The following GOLIM4 variants were observed in gnomAD, a reference collection of about 807,000 sequenced individuals.
GOLIM4 encodes the protein 130 kDa golgi-localized phosphoprotein.
A neutral mutation model predicts 107.4 loss-of-function variants in GOLIM4; 71 were observed. The observed-to-expected ratio is 0.66, with a 90% CI of 0.55 to 0.81. GOLIM4 has a LOEUF of 0.81. Among genes scored for constraint, GOLIM4 ranks in the 30% least tolerant of loss-of-function variants. The pLI, the probability that GOLIM4 is intolerant of heterozygous loss-of-function variation, is 0.00. For synonymous variants in GOLIM4, 327 were observed against 294.8 expected (o/e 1.11, Z -1.12); for missense variants, 830 against 826.1 (o/e 1.00, Z -0.06).
chr3:168,072,377 T>TAA (rs547225724), intron 1 of GOLIM4, among the ~76,000 whole-genome samples: 3 of 130,030 alleles, frequency 2.3e-5, no homozygotes, highest in Non-Finnish European at 1.7e-5. Flanking sequence ...AGATGTGATT[T>TAA]AAAAAAAAAA....
At chr3:168,077,618 C>T (rs1721137875) in intron 1 of GOLIM4, among the ~76,000 whole-genome samples, 1 of 152,128 alleles carries the variant, frequency 6.6e-6, no homozygotes, top group Non-Finnish European at 1.5e-5. Context: ...AATTGACACA[C>T]AACAAAAACT....
intron 1 of GOLIM4, among the ~76,000 whole-genome samples, chr3:168,080,494 A>G (rs755647801): frequency 2.0e-5 from 3 of 152,138 alleles, no homozygotes; most frequent in Non-Finnish European, 4.4e-5. Context: ...TCTACACAGG[A>G]CCCTAGTGGC....
At chr3:168,037,051 G>T in intron 7 of GOLIM4, 57 bp from the exon 8 acceptor site, 1 of 1,210,170 alleles carries the variant, frequency 8.3e-7, no homozygotes, top group Non-Finnish European at 1.2e-6. Context: ...TTCATAGATG[G>T]GCATTTGGGT....
chr3:168,068,847 T>TTTATTTTA (rs1451362482), intron 1 of GOLIM4, among the ~76,000 whole-genome samples: 1 of 150,282 alleles, frequency 6.7e-6, no homozygotes, highest in Non-Finnish European at 1.5e-5. Context: ...ATTTTTTTTT[T>TTTATTTTA]TTTTTTGAGA....
intron 1 of GOLIM4, among the ~76,000 whole-genome samples, chr3:168,057,915 C>T (rs1019233850): frequency 3.9e-5 from 6 of 152,178 alleles, no homozygotes; most frequent in African/African-American, 1.4e-4. Context: ...TCCCTGCCAT[C>T]TTCTATGCCC....
chr3:168,026,217 A>T (rs1297760992), intron 12 of GOLIM4, among the ~76,000 whole-genome samples: 1 of 151,530 alleles, frequency 6.6e-6, no homozygotes, highest in Non-Finnish European at 1.5e-5. Context: ...CTACCAAATT[A>T]CCACCTTCAC....
At chr3:168,060,908 C>G (rs760385889) in intron 1 of GOLIM4, among the ~76,000 whole-genome samples, 11 of 151,318 alleles carry the variant, frequency 7.3e-5, no homozygotes, top group Non-Finnish European at 1.5e-4. Context: ...CTAAAAAGAA[C>G]TTCATCACAT....
At chr3:168,070,756 A>T (rs1188545958) in intron 1 of GOLIM4, among the ~76,000 whole-genome samples, 1 of 152,204 alleles carries the variant, frequency 6.6e-6, no homozygotes, top group African/African-American at 2.4e-5. Context: ...TTTCTAGAAG[A>T]GGGTTGTTGC....
chr3:168,010,422 A>C lies in GOLIM4; in HGVS notation c.1942-4T>G. The C allele has an allele frequency of 1.9e-6, 3 of 1,583,532 alleles. No homozygotes were observed. In the South Asian group the frequency reaches 3.4e-5, roughly 18 times the overall value. On this transcript the variant is annotated splice_polypyrimidine_tract_variant and splice_region_variant and intron_variant, in intron 15 of 15. Transcript: ENST00000470487. ...CATCATTATTTTTATCATCAGTCTT[A>C]AAATTAAAAGAAAAAAGAAAAACTA... is the stretch of plus-strand genomic sequence containing the variant.
intron 1 of GOLIM4, among the ~76,000 whole-genome samples, chr3:168,080,914 T>C (rs780548399): frequency 2.6e-5 from 4 of 152,232 alleles, no homozygotes; most frequent in Non-Finnish European, 5.9e-5. Flanking sequence ...CTTTCTTTAC[T>C]GCTTTTACCA....
rs1257131004 is a variant in GOLIM4, at chr3:168,013,897, G to C, written c.1861-3074C>G. Among the ~76,000 whole-genome samples the C allele has an allele frequency of 5.3e-5, 8 of 151,478 alleles. No individual in the cohort carries two copies. In the East Asian group the frequency reaches 5.8e-4, roughly 11 times the overall value. ...TGGGACGCATTCAAAGCAGTGTGTA[G>C]AGGGAAATTTATAGCACTGAATGCC... On this transcript the variant is annotated intron_variant, in intron 14 of 15. Coordinates refer to ENST00000470487, the MANE Select transcript of GOLIM4 (RefSeq NM_014498.5).
intron 1 of GOLIM4, among the ~76,000 whole-genome samples, chr3:168,060,507 T>C (rs906860355): frequency 4.6e-5 from 7 of 152,182 alleles, no homozygotes; most frequent in African/African-American, 1.2e-4. Context: ...GATATGATTA[T>C]AGAGTGATGT....
intron 1 of GOLIM4, among the ~76,000 whole-genome samples, chr3:168,082,174 G>C (rs963205881): frequency 1.8e-4 from 27 of 152,128 alleles, no homozygotes; most frequent in Non-Finnish European, 1.5e-5. Flanking sequence ...ATACAAAATT[G>C]ACATATATCT....
chr3:168,044,898 A>G lies in GOLIM4; in HGVS notation c.313-17T>C. 6.7e-7 allele frequency: 1 copy of G among 1,499,008 alleles called. No individual in the cohort carries two copies. The highest frequency in any genetic ancestry group is 9.1e-7 in the Non-Finnish European group (1 of 1,100,890). 92.9% of individuals were successfully genotyped at this position (1,499,008 alleles called of 1,614,324 possible). The stretch of plus-strand genomic sequence containing the variant: ...GGAATCTTGCTGTAAATCAAAAAAA[A>G]AAAAGAAAACACAAAGATAAATATG... On this transcript the variant is annotated splice_polypyrimidine_tract_variant and intron_variant, in intron 3 of 15. Coordinates refer to ENST00000470487, the MANE Select transcript of GOLIM4 (RefSeq NM_014498.5).
intron 4 of GOLIM4, among the ~76,000 whole-genome samples, chr3:168,044,284 G>C (rs1462680188): frequency 6.6e-6 from 1 of 152,202 alleles, no homozygotes; most frequent in Non-Finnish European, 1.5e-5. Context: ...CTGCGAGAAG[G>C]GCATAACTGC....
chr3:168,030,523 A>C (rs1391770215), intron 9 of GOLIM4, among the ~76,000 whole-genome samples: 1 of 151,952 alleles, frequency 6.6e-6, no homozygotes, highest in African/African-American at 2.4e-5. Context: ...AAAAAAAAAA[A>C]AAAAAAGCCA....
intron 1 of GOLIM4, among the ~76,000 whole-genome samples, chr3:168,054,579 CT>C (rs1719834486): frequency 6.6e-6 from 1 of 152,084 alleles, no homozygotes; most frequent in Non-Finnish European, 1.5e-5. Context: ...CTCTTTAGTG[CT>C]GATCATCATG....
chr3:168,086,135 TA>T (rs1445268353), intron 1 of GOLIM4, among the ~76,000 whole-genome samples: 1 of 152,160 alleles, frequency 6.6e-6, no homozygotes, highest in African/African-American at 2.4e-5. Context: ...TCCAAACCTC[TA>T]AATAAAATAT....
At chr3:168,083,335 C>T (rs753883624) in intron 1 of GOLIM4, among the ~76,000 whole-genome samples, 10 of 152,140 alleles carry the variant, frequency 6.6e-5, no homozygotes, top group Non-Finnish European at 1.3e-4. Context: ...TCTATAAAGT[C>T]AAAAGAACAT....
Sources: gnomAD v4.1 joint callset for allele counts (sites outside exome capture counted in the v4.1 genomes callset) on GRCh38, gnomAD v4.1.1 for gene constraint, MANE v1.5 for transcripts, NCBI Gene and HGNC (gene_info 2026-07-23, HGNC 2026-07-21) for gene names.